EZHIP: variants seen among roughly 807,000 people sequenced by gnomAD.
EZHIP encodes the protein K27M-like inhibitor of PRC2.
For synonymous variants in EZHIP, 192 were observed against 86.5 expected (o/e 2.22, Z -6.77); for missense variants, 428 against 204.2 (o/e 2.10, Z -6.68).
rs1569552602 is a variant in EZHIP, at chrX:51,408,705, G to A, written c.*177G>A. The stretch of plus-strand genomic sequence containing the variant: ...GACTCCACCACCTAGCACTTAACCT[G>A]CTGTTGGCCTTTGATTCTGGGCCAC... On this transcript the variant is annotated 3_prime_UTR_variant, in exon 1 of 1. Coordinates refer to ENST00000342995, the MANE Select transcript of EZHIP (RefSeq NM_203407.3). 5 of 410,921 alleles carry A rather than the reference G, an allele frequency of 1.2e-5. No individual in the cohort carries two copies. The South Asian group carries it at 2.2e-4, about 18-fold the overall frequency. The allele number at this position is 410,921 out of a possible 1,213,427, so 33.9% of individuals were successfully genotyped here.
Position 51,407,802 on chromosome X carries a change from T to A in EZHIP, c.786T>A (p.Ser262=), listed in dbSNP as rs73496019. Residue 262 remains serine, a synonymous_variant, in exon 1 of 1, where the codon TCT becomes TCA. Coordinates refer to ENST00000342995, the MANE Select transcript of EZHIP (RefSeq NM_203407.3). ...HLDPARLSPE[S]APGPARRGRA... ...ACCCTGCTCGTCTAAGCCCTGAATC[T>A]GCGCCAGGCCCTGCCCGCCGAGGCC... 8.9e-6 allele frequency: 5 copies of A among 559,390 alleles called. No individual in the cohort carries two copies. The African/African-American group carries it at 1.1e-4, about 13-fold the overall frequency. 46.1% of individuals were successfully genotyped at this position (559,390 alleles called of 1,213,427 possible).
Position 51,408,106 on chromosome X carries a change from G to A in EZHIP, c.1090G>A (p.Gly364Arg), listed in dbSNP as rs782367462. The A allele has an allele frequency of 1.8e-6, 1 of 571,162 alleles. No individual in the cohort carries two copies. The highest frequency in any genetic ancestry group is 2.2e-5 in the Admixed American group (1 of 45,329). The allele number at this position is 571,162 out of a possible 1,213,427, so 47.1% of individuals were successfully genotyped here. Residue 364 changes from glycine (G) to arginine (R), a missense_variant, in exon 1 of 1, where the codon GGG becomes AGG. Gly to Arg is a moderately radical substitution (Grantham distance 125). Transcript: ENST00000342995. ...CCTTCTCAGCCGCCGCTCTCTGTCT[G>A]GGTCAGCTGATGAGAATCCTTCCTG... ...SALLSRRSLS[G>R]SADENPSCGT...
At position 51,407,607 on chromosome X, in the gene EZHIP, G is replaced by C; in HGVS notation, c.591G>C (p.Gln197His). 2 of 561,432 alleles carry C rather than the reference G, an allele frequency of 3.6e-6. No individual in the cohort carries two copies. The highest frequency in any genetic ancestry group is 3.3e-6 in the Non-Finnish European group (1 of 304,594). The allele number at this position is 561,432 out of a possible 1,213,427, so 46.3% of individuals were successfully genotyped here. A position where few individuals can be genotyped will look rare whatever the true frequency, so the allele number is the denominator to read the frequency against. Residue 197 changes from glutamine (Q) to histidine (H), a missense_variant, in exon 1 of 1, where the codon CAG becomes CAC. Coordinates refer to ENST00000342995, the MANE Select transcript of EZHIP (RefSeq NM_203407.3). ...SGASTSSQAT[Q>H]PGPALLSHAS... ...CTTCTACGTCGAGTCAGGCAACCCA[G>C]CCAGGCCCTGCACTCCTAAGCCACG... is the stretch of plus-strand genomic sequence containing the variant.
Position 51,407,970 on chromosome X carries a change from G to T in EZHIP, c.954G>T (p.Ala318=). ...PGSARRGRDS[A]PGPALRVRTA... ...CTGCCCGCCGAGGCCGCGATTCTGC[G>T]CCAGGCCCTGCCCTTCGCGTCCGCA... is the stretch of plus-strand genomic sequence containing the variant. The change falls in exon 1 of 1, where the codon GCG becomes GCT. Residue 318 remains alanine, a synonymous_variant. Transcript: ENST00000342995. 1 of 565,422 alleles carries T rather than the reference G, an allele frequency of 1.8e-6. No homozygotes were observed. 46.6% of individuals were successfully genotyped at this position (565,422 alleles called of 1,213,427 possible).
Position 51,407,588 on chromosome X carries a change from C to T in EZHIP, c.572C>T (p.Thr191Met), listed in dbSNP as rs781957815. ...AGCTATCCCTGTTCCGGGGCTTCTA[C>T]GTCGAGTCAGGCAACCCAGCCAGGC... is the stretch of plus-strand genomic sequence containing the variant. ...PSSYPCSGAS[T>M]SSQATQPGPA... Residue 191 changes from threonine to methionine, a missense_variant, in exon 1 of 1, where the codon ACG becomes ATG. By Grantham distance (81) the Thr-to-Met change is moderately conservative (BLOSUM62 -1). Coordinates refer to ENST00000342995, the MANE Select transcript of EZHIP (RefSeq NM_203407.3). 4 of 558,788 alleles carry T rather than the reference C, an allele frequency of 7.2e-6. No homozygotes were observed. In the East Asian group the frequency reaches 1.3e-4, roughly 19 times the overall value. 46.1% of individuals were successfully genotyped at this position (558,788 alleles called of 1,213,427 possible). A position where few individuals can be genotyped will look rare whatever the true frequency, so the allele number is the denominator to read the frequency against.
Position 51,407,298 on chromosome X carries a change from G to A in EZHIP, c.282G>A (p.Thr94=), listed in dbSNP as rs1417662562. ...TGCCAATCATAGCTGCTGTGCTGACGGAGAGGCATTCTGACCGCCAGGACT... is the reference window on the plus strand; with the variant it reads ...TGCCAATCATAGCTGCTGTGCTGACAGAGAGGCATTCTGACCGCCAGGACT... The part of the protein sequence containing the change: ...SGLPIIAAVL[T]ERHSDRQDCR... The change falls in exon 1 of 1, where the codon ACG becomes ACA. Residue 94 remains threonine, a synonymous_variant. Coordinates refer to ENST00000342995, the MANE Select transcript of EZHIP (RefSeq NM_203407.3). 2 of 569,572 alleles carry A rather than the reference G, an allele frequency of 3.5e-6. No homozygotes were observed. The highest frequency in any genetic ancestry group is 4.5e-5 in the South Asian group (2 of 44,800). 46.9% of individuals were successfully genotyped at this position (569,572 alleles called of 1,213,427 possible). A position where few individuals can be genotyped will look rare whatever the true frequency, so the allele number is the denominator to read the frequency against.
At position 51,407,473 on chromosome X, in the gene EZHIP, C is replaced by G. The variant is rs782304227; in HGVS notation, c.457C>G (p.Arg153Gly). Residue 153 changes from arginine to glycine, a missense_variant, in exon 1 of 1, where the codon CGC becomes GGC. Coordinates refer to ENST00000342995, the MANE Select transcript of EZHIP (RefSeq NM_203407.3). Reference sequence around the variant, plus strand: ...CAGCCGTCGTAGGAAGCAGCCCTGCCGCAACCAGGCTGCCCCGGCTCAGAA... The same window carrying G: ...CAGCCGTCGTAGGAAGCAGCCCTGCGGCAACCAGGCTGCCCCGGCTCAGAA... Reference protein sequence around the residue: ...GNSRRRKQPCRNQAAPAQKPP... With the variant: ...GNSRRRKQPCGNQAAPAQKPP... 30 of 534,777 alleles carry G rather than the reference C, an allele frequency of 5.6e-5. No individual in the cohort carries two copies. In the Admixed American group the frequency reaches 6.1e-4, roughly 11 times the overall value. 44.1% of individuals were successfully genotyped at this position (534,777 alleles called of 1,213,427 possible).
Position 51,408,388 on chromosome X carries a change from C to T in EZHIP, c.1372C>T (p.Leu458=). The change falls in exon 1 of 1, where the codon CTG becomes TTG. Residue 458 remains leucine (L), a synonymous_variant. Transcript: ENST00000342995. Reference sequence around the variant, plus strand: ...ATCCCCTTCCCCTGAGTTTTTGGGCCTGAGATCTATCTCCACTCCTAGCCC... The same window carrying T: ...ATCCCCTTCCCCTGAGTTTTTGGGCTTGAGATCTATCTCCACTCCTAGCCC... ...PSSPSPEFLG[L]RSISTPSPES... is the part of the protein sequence containing the mutation. 1.8e-6 allele frequency: 1 copy of T among 571,146 alleles called. No individual in the cohort carries two copies. Among genetic ancestry groups the T allele is most frequent in the South Asian group, 2.2e-5 (1 of 44,980 alleles). 47.1% of individuals were successfully genotyped at this position (571,146 alleles called of 1,213,427 possible). A position where few individuals can be genotyped will look rare whatever the true frequency, so the allele number is the denominator to read the frequency against.
Position 51,407,996 on chromosome X carries a change from C to T in EZHIP, c.980C>T (p.Thr327Ile). The stretch of plus-strand genomic sequence containing the variant: ...CCAGGCCCTGCCCTTCGCGTCCGCA[C>T]AGCAAGGTCAGACGCCGGTCATCGC... ...SAPGPALRVR[T>I]ARSDAGHRST... The change falls in exon 1 of 1, where the codon ACA (threonine) becomes ATA (isoleucine). Residue 327 changes from threonine (T) to isoleucine (I), a missense_variant. Coordinates refer to ENST00000342995, the MANE Select transcript of EZHIP (RefSeq NM_203407.3). 1 of 569,110 alleles carries T rather than the reference C, an allele frequency of 1.8e-6. No homozygotes were observed. The highest frequency in any genetic ancestry group is 3.2e-6 in the Non-Finnish European group (1 of 309,394). 46.9% of individuals were successfully genotyped at this position (569,110 alleles called of 1,213,427 possible).
Position 51,408,451 on chromosome X carries a change from G to A in EZHIP, c.1435G>A (p.Ala479Thr), listed in dbSNP as rs141751955. 110 of 569,245 alleles carry A rather than the reference G, an allele frequency of 1.9e-4. 1 individual carries two copies. Among genetic ancestry groups the A allele is most frequent in the Non-Finnish European group, 2.4e-4 (73 of 309,306 alleles). The allele number at this position is 569,245 out of a possible 1,213,427, so 46.9% of individuals were successfully genotyped here. A position where few individuals can be genotyped will look rare whatever the true frequency, so the allele number is the denominator to read the frequency against. ...GTATGCTTTGATGCCTGAGTTTTAT[G>A]CTCTGAGCCCTGTCCCTCCAGAAGA... ...LRYALMPEFY[A>T]LSPVPPEEQA... The change falls in exon 1 of 1, where the codon GCT (alanine) becomes ACT (threonine). Residue 479 changes from alanine (A) to threonine (T), a missense_variant. By Grantham distance (58) the Ala-to-Thr change is moderately conservative. Transcript: ENST00000342995.
In EZHIP at chrX:51,407,126, G is replaced by C. The variant is rs782039713; in HGVS notation, c.110G>C (p.Gly37Ala). Residue 37 changes from glycine to alanine, a missense_variant, in exon 1 of 1, where the codon GGG becomes GCG. Physicochemically the swap from Gly to Ala is moderately conservative, Grantham distance 60. Coordinates refer to ENST00000342995, the MANE Select transcript of EZHIP (RefSeq NM_203407.3). ...GCCTCCGGGGATGCCTGCGGGACCG[G>C]GAATCAAGATCCTGCTGCTTCCGTC... The part of the protein sequence containing the change: ...ALASGDACGT[G>A]NQDPAASVTT... 1.1e-5 allele frequency: 6 copies of C among 570,511 alleles called. No homozygotes were observed. In the Admixed American group the frequency reaches 1.3e-4, roughly 13 times the overall value. The allele number at this position is 570,511 out of a possible 1,213,427, so 47.0% of individuals were successfully genotyped here.
chrX:51,407,702 C>G lies in EZHIP; in HGVS notation c.686C>G (p.Ser229Cys), dbSNP rs782407791. ...GCTTCTGCTCTCCGCAGACGTGCATCTGGTCCAGGCCCTGTCATCCGAGGC... is the reference window on the plus strand; with the variant it reads ...GCTTCTGCTCTCCGCAGACGTGCATGTGGTCCAGGCCCTGTCATCCGAGGC... ...LVASALRRRASGPGPVIRGCT... is the reference protein window; with the variant it reads ...LVASALRRRACGPGPVIRGCT... The change falls in exon 1 of 1, where the codon TCT (serine) becomes TGT (cysteine). Residue 229 changes from serine (S) to cysteine (C), a missense_variant. By Grantham distance (112) the Ser-to-Cys change is moderately radical. Transcript: ENST00000342995. 2 of 565,053 alleles carry G rather than the reference C, an allele frequency of 3.5e-6. No individual in the cohort carries two copies. The highest frequency in any genetic ancestry group is 6.5e-6 in the Non-Finnish European group (2 of 306,777). The allele number at this position is 565,053 out of a possible 1,213,427, so 46.6% of individuals were successfully genotyped here.
Position 51,407,237 on chromosome X carries a change from C to G in EZHIP, c.221C>G (p.Ser74Cys), listed in dbSNP as rs1557318625. 1 of 570,804 alleles carries G rather than the reference C, an allele frequency of 1.8e-6. No homozygotes were observed. The highest frequency in any genetic ancestry group is 3.2e-6 in the Non-Finnish European group (1 of 309,398). The allele number at this position is 570,804 out of a possible 1,213,427, so 47.0% of individuals were successfully genotyped here. Residue 74 changes from serine (S) to cysteine (C), a missense_variant, in exon 1 of 1, where the codon TCC becomes TGC. By Grantham distance (112) the Ser-to-Cys change is moderately radical. Transcript: ENST00000342995. ...TAGSSAAAAT[S>C]AAIFITDEAS... Reference sequence around the variant, plus strand: ...GGTTCTTCCGCTGCAGCCGCCACCTCCGCCGCCATTTTCATCACCGATGAG... The same window carrying G: ...GGTTCTTCCGCTGCAGCCGCCACCTGCGCCGCCATTTTCATCACCGATGAG...
rs1557318793 is a variant in EZHIP at position 51,407,790 on chromosome X, A to G, written c.774A>G (p.Leu258=). Residue 258 remains leucine (L), a synonymous_variant, in exon 1 of 1, where the codon CTA becomes CTG. Transcript: ENST00000342995. ...CCACTCATCTAGACCCTGCTCGTCTAAGCCCTGAATCTGCGCCAGGCCCTG... is the reference window on the plus strand; with the variant it reads ...CCACTCATCTAGACCCTGCTCGTCTGAGCCCTGAATCTGCGCCAGGCCCTG... ...HRATHLDPAR[L]SPESAPGPAR... The G allele has an allele frequency of 7.1e-6, 4 of 564,036 alleles. No homozygotes were observed. The highest frequency in any genetic ancestry group is 1.3e-5 in the Non-Finnish European group (4 of 306,748). 46.5% of individuals were successfully genotyped at this position (564,036 alleles called of 1,213,427 possible). A position where few individuals can be genotyped will look rare whatever the true frequency, so the allele number is the denominator to read the frequency against.
chrX:51,407,359 C>T lies in EZHIP; in HGVS notation c.343C>T (p.Pro115Ser), dbSNP rs782308979. ...TCACGAAGTTTTTGGGTGTGTGGTG[C>T]CCGAGGGGGGCAGCCAGGCCGCTGT... is the stretch of plus-strand genomic sequence containing the variant. Reference protein sequence around the residue: ...SPHEVFGCVVPEGGSQAAVGP... With the variant: ...SPHEVFGCVVSEGGSQAAVGP... The change falls in exon 1 of 1, where the codon CCC (proline) becomes TCC (serine). Residue 115 changes from proline to serine, a missense_variant. By Grantham distance (74) the Pro-to-Ser change is moderately conservative. Coordinates refer to ENST00000342995, the MANE Select transcript of EZHIP (RefSeq NM_203407.3). 1.8e-6 allele frequency: 1 copy of T among 566,122 alleles called. No homozygotes were observed. The highest frequency in any genetic ancestry group is 2.2e-5 in the Admixed American group (1 of 44,889). The allele number at this position is 566,122 out of a possible 1,213,427, so 46.7% of individuals were successfully genotyped here. A position where few individuals can be genotyped will look rare whatever the true frequency, so the allele number is the denominator to read the frequency against.
Position 51,407,522 on chromosome X carries a change from C to A in EZHIP, c.506C>A (p.Pro169His). 1 of 548,789 alleles carries A rather than the reference C, an allele frequency of 1.8e-6. No homozygotes were observed. Among genetic ancestry groups the A allele is most frequent in the East Asian group, 3.4e-5 (1 of 29,363 alleles). 45.2% of individuals were successfully genotyped at this position (548,789 alleles called of 1,213,427 possible). A position where few individuals can be genotyped will look rare whatever the true frequency, so the allele number is the denominator to read the frequency against. ...AAGCCTCCAGGGCGGCGTCTGTTTCCTGAGCCTTTGCCGCCATCTTCTCCA... is the reference window on the plus strand; with the variant it reads ...AAGCCTCCAGGGCGGCGTCTGTTTCATGAGCCTTTGCCGCCATCTTCTCCA... Reference protein sequence around the residue: ...AQKPPGRRLFPEPLPPSSPGF... With the variant: ...AQKPPGRRLFHEPLPPSSPGF... The change falls in exon 1 of 1, where the codon CCT becomes CAT. Residue 169 changes from proline to histidine, a missense_variant. Physicochemically the swap from Pro to His is moderately conservative, Grantham distance 77 (BLOSUM62 -2). Transcript: ENST00000342995.
Position 51,407,298 on chromosome X carries a change from G to T in EZHIP, c.282G>T (p.Thr94=), listed in dbSNP as rs1417662562. The T allele has an allele frequency of 1.1e-5, 6 of 569,572 alleles. No individual in the cohort carries two copies. Among genetic ancestry groups the T allele is most frequent in the Non-Finnish European group, 1.9e-5 (6 of 309,216 alleles). 46.9% of individuals were successfully genotyped at this position (569,572 alleles called of 1,213,427 possible). A position where few individuals can be genotyped will look rare whatever the true frequency, so the allele number is the denominator to read the frequency against. ...SGLPIIAAVL[T]ERHSDRQDCR... ...TGCCAATCATAGCTGCTGTGCTGAC[G>T]GAGAGGCATTCTGACCGCCAGGACT... is the stretch of plus-strand genomic sequence containing the variant. The change falls in exon 1 of 1, where the codon ACG becomes ACT. Residue 94 remains threonine, a synonymous_variant. Transcript: ENST00000342995.
At position 51,408,487 on chromosome X, in the gene EZHIP, A is replaced by T. The variant is rs782150357; in HGVS notation, c.1471A>T (p.Ile491Leu). Residue 491 changes from isoleucine (I) to leucine (L), a missense_variant, in exon 1 of 1, where the codon ATA becomes TTA. Physicochemically the swap from Ile to Leu is conservative, Grantham distance 5 (BLOSUM62 2). Transcript: ENST00000342995. ...SPVPPEEQAE[I>L]ESTAHPATPP... ...TGTCCCTCCAGAAGAGCAGGCAGAA[A>T]TAGAGAGCACAGCTCACCCCGCAAC... The T allele has an allele frequency of 3.3e-5, 19 of 569,365 alleles. No homozygotes were observed. The Admixed American group carries it at 4.0e-4, about 12-fold the overall frequency. The allele number at this position is 569,365 out of a possible 1,213,427, so 46.9% of individuals were successfully genotyped here.
rs781995722 is a variant in EZHIP, at chrX:51,408,108, G to A, written c.1092G>A (p.Gly364=). 3 of 571,052 alleles carry A rather than the reference G, an allele frequency of 5.3e-6. No homozygotes were observed. The highest frequency in any genetic ancestry group is 9.7e-6 in the Non-Finnish European group (3 of 309,295). 47.1% of individuals were successfully genotyped at this position (571,052 alleles called of 1,213,427 possible). A position where few individuals can be genotyped will look rare whatever the true frequency, so the allele number is the denominator to read the frequency against. The change falls in exon 1 of 1, where the codon GGG becomes GGA. Residue 364 remains glycine, a synonymous_variant. Transcript: ENST00000342995. ...TTCTCAGCCGCCGCTCTCTGTCTGG[G>A]TCAGCTGATGAGAATCCTTCCTGTG... ...SALLSRRSLS[G]SADENPSCGT...
Sources: gnomAD v4.1 joint callset for allele counts on GRCh38, gnomAD v4.1.1 for gene constraint, MANE v1.5 for transcripts, NCBI Gene and HGNC (gene_info 2026-07-23, HGNC 2026-07-21) for gene names.